Variants in DMRT1 observed in about 807,000 individuals in gnomAD.
DMRT1 encodes the protein doublesex and mab-3 related transcription factor 1.
Under a neutral mutation model 32.3 loss-of-function variants are expected in DMRT1, and 7 were observed. The ratio of observed to expected loss-of-function variants is 0.22; its 90% CI spans 0.12 to 0.41. The LOEUF is 0.41. DMRT1 is among the 10% of genes least tolerant of loss of function. DMRT1 has a pLI of 1.00. For synonymous variants in DMRT1, 278 were observed against 206.1 expected (o/e 1.35, Z -2.99); for missense variants, 625 against 500.5 (o/e 1.25, Z -2.37).
At chr9:931,802 A>G (rs1235780957) in intron 4 of DMRT1, among the ~76,000 whole-genome samples, 2 of 152,218 alleles carry the variant, frequency 1.3e-5, no homozygotes, top group South Asian at 2.1e-4. Context: ...ATACAGTCAC[A>G]TTGGGAGCTA....
At chr9:948,601 CG>C (rs149941183) in intron 4 of DMRT1, among the ~76,000 whole-genome samples, 14,394 of 151,982 alleles carry the variant, frequency 0.095, 792 homozygotes, top group Non-Finnish European at 0.12. Flanking sequence ...CAGAAGGCTC[CG>C]CAACAAGTGG....
At chr9:842,474 G>T (rs757201575) in intron 1 of DMRT1, 5 of 429,080 alleles carry the variant, frequency 1.2e-5, no homozygotes, top group African/African-American at 2.1e-5. Flanking sequence ...GACCTCAGGT[G>T]ATCCACCCGC....
At chr9:884,383 A>T (rs1415597125) in intron 2 of DMRT1, among the ~76,000 whole-genome samples, 1 of 150,486 alleles carries the variant, frequency 6.6e-6, no homozygotes, top group Non-Finnish European at 1.5e-5. Context: ...AAAAAAAAAA[A>T]GTAGCAGAGG....
chr9:844,134 AC>A (rs1291007590), intron 1 of DMRT1, among the ~76,000 whole-genome samples: 1 of 152,212 alleles, frequency 6.6e-6, no homozygotes, highest in Non-Finnish European at 1.5e-5. Flanking sequence ...ATTTTGAATA[AC>A]CTTTATTAGT....
chr9:894,461 G>A (rs747803629), intron 3 of DMRT1: 9 of 531,866 alleles, frequency 1.7e-5, no homozygotes, highest in Middle Eastern at 5.1e-4. Flanking sequence ...AAGAAATAAT[G>A]TACAAACTTG....
intron 4 of DMRT1, among the ~76,000 whole-genome samples, chr9:936,481 G>A (rs1479415741): frequency 6.6e-6 from 1 of 152,150 alleles, no homozygotes; most frequent in Non-Finnish European, 1.5e-5. Context: ...GCCGGGTGTG[G>A]TGGCTCATGC....
chr9:859,488 C>T (rs1394882151), intron 2 of DMRT1, among the ~76,000 whole-genome samples: 1 of 152,134 alleles, frequency 6.6e-6, no homozygotes, highest in East Asian at 1.9e-4. Context: ...GTCACGGTCC[C>T]TTTTGCGGTT....
chr9:849,631 G>A (rs577463652), intron 2 of DMRT1, among the ~76,000 whole-genome samples: 1 of 152,316 alleles, frequency 6.6e-6, no homozygotes, highest in African/African-American at 2.4e-5. Context: ...TCAGGGTCAA[G>A]GAGGATTTAA....
intron 3 of DMRT1, among the ~76,000 whole-genome samples, chr9:914,936 G>A (rs1393005274): frequency 1.3e-5 from 2 of 152,212 alleles, no homozygotes; most frequent in African/African-American, 4.8e-5. Flanking sequence ...GAATTGTCCA[G>A]AATGTAGATG....
intron 4 of DMRT1, among the ~76,000 whole-genome samples, chr9:931,851 A>G (rs1217792095): frequency 6.6e-6 from 1 of 152,228 alleles, no homozygotes; most frequent in Non-Finnish European, 1.5e-5. Context: ...ACATTCAGTC[A>G]CTAACACTAC....
chr9:855,815 C>A (rs373767724), intron 2 of DMRT1, among the ~76,000 whole-genome samples: 2 of 152,240 alleles, frequency 1.3e-5, no homozygotes, highest in African/African-American at 4.8e-5. Context: ...ATGGGGATCT[C>A]GCTGTGTTGC....
intron 4 of DMRT1, among the ~76,000 whole-genome samples, chr9:925,600 T>C (rs1476181154): frequency 6.6e-6 from 1 of 152,226 alleles, no homozygotes; most frequent in Non-Finnish European, 1.5e-5. Flanking sequence ...GATCCCTGAA[T>C]TACTTTCCTG....
chr9:960,280 G>A (rs1027357720), intron 4 of DMRT1, among the ~76,000 whole-genome samples: 2 of 152,230 alleles, frequency 1.3e-5, no homozygotes, highest in African/African-American at 4.8e-5. Flanking sequence ...AGCAATTGTT[G>A]ACTTTCCTTC....
intron 2 of DMRT1, among the ~76,000 whole-genome samples, chr9:878,093 G>A (rs567124856): frequency 6.6e-6 from 1 of 152,232 alleles, no homozygotes; most frequent in Admixed American, 6.5e-5. Context: ...ATGGCCTTCC[G>A]GGGGTGGCAG....
At position 874,968 on chromosome 9, in the gene DMRT1, C is replaced by T. The variant is rs190348810; in HGVS notation, c.539-18944C>T. Among the ~76,000 whole-genome samples the T allele has an allele frequency of 6.7e-3, 1,012 of 151,886 alleles. 12 individuals are homozygous for T. Among genetic ancestry groups the T allele is most frequent in the Non-Finnish European group, 0.011 (736 of 67,950 alleles). Reference sequence around the variant, plus strand: ...GACTACGGGTGCCCGCCACCACGCCCGGCAAATTTTTTGTATTTTTTTTAG... The same window carrying T: ...GACTACGGGTGCCCGCCACCACGCCTGGCAAATTTTTTGTATTTTTTTTAG... On this transcript the variant is annotated intron_variant, in intron 2 of 4. Transcript: ENST00000382276.
chr9:862,846 C>T (rs1443009316), intron 2 of DMRT1, among the ~76,000 whole-genome samples: 1 of 152,082 alleles, frequency 6.6e-6, no homozygotes, highest in Non-Finnish European at 1.5e-5. Flanking sequence ...TCAGCGTGGT[C>T]AGGTGAATAA....
chr9:871,618 G>A (rs1201366192), intron 2 of DMRT1, among the ~76,000 whole-genome samples: 1 of 114,440 alleles, frequency 8.7e-6, no homozygotes, highest in Non-Finnish European at 1.7e-5. Flanking sequence ...TGGGATTACA[G>A]ACGCGAGCCA....
intron 4 of DMRT1, among the ~76,000 whole-genome samples, chr9:942,050 C>A (rs1433590083): frequency 6.6e-6 from 1 of 152,146 alleles, no homozygotes; most frequent in African/African-American, 2.4e-5. Flanking sequence ...GAAACAGAAG[C>A]CATCATCTTC....
At chr9:889,341 G>C (rs1817053244) in intron 2 of DMRT1, among the ~76,000 whole-genome samples, 1 of 152,210 alleles carries the variant, frequency 6.6e-6, no homozygotes, top group Non-Finnish European at 1.5e-5. Flanking sequence ...CATTTTAACA[G>C]CGTAAAGGCA....
Sources: gnomAD v4.1 joint callset for allele counts (sites outside exome capture counted in the v4.1 genomes callset) on GRCh38, gnomAD v4.1.1 for gene constraint, MANE v1.5 for transcripts, NCBI Gene and HGNC (gene_info 2026-07-23, HGNC 2026-07-21) for gene names.